Variants in TRIOBP observed in about 807,000 individuals in gnomAD.
TRIOBP encodes TRIO and F-actin-binding protein.
Under a neutral mutation model 238.8 loss-of-function variants are expected in TRIOBP, and 169 were observed. The ratio of observed to expected loss-of-function variants is 0.71; its 90% CI spans 0.62 to 0.80. The LOEUF is 0.80. Ranked by LOEUF, TRIOBP falls within the 30% of genes least tolerant of loss-of-function variation. TRIOBP has a pLI of 0.00. For synonymous variants in TRIOBP, 1,150 were observed against 1,274.4 expected (o/e 0.90, Z 2.08); for missense variants, 2,838 against 3,122.6 (o/e 0.91, Z 2.17).
intron 11 of TRIOBP, among the ~76,000 whole-genome samples, chr22:37,742,719 G>A (rs1924997661): frequency 1.3e-5 from 2 of 152,212 alleles, no homozygotes; most frequent in Non-Finnish European, 2.9e-5. Context: ...GAGGGGGCAG[G>A]TAAGTCCTTG....
intron 17 of TRIOBP, among the ~76,000 whole-genome samples, chr22:37,760,959 A>C (rs1200574703): frequency 1.3e-5 from 2 of 150,438 alleles, no homozygotes; most frequent in Admixed American, 1.3e-4. Context: ...CGACAGAGTA[A>C]GACTCCATCT....
chr22:37,701,891 G>T (rs944639062), intron 3 of TRIOBP, among the ~76,000 whole-genome samples: 5 of 152,192 alleles, frequency 3.3e-5, no homozygotes, highest in African/African-American at 1.2e-4. Flanking sequence ...ACTTTGGGAG[G>T]CCGAGGTGGG....
intron 12 of TRIOBP, among the ~76,000 whole-genome samples, chr22:37,753,791 G>A (rs1380084947): frequency 6.6e-6 from 1 of 152,180 alleles, no homozygotes; most frequent in East Asian, 1.9e-4. Context: ...CTAAGTACTT[G>A]AAACAACCAA....
At position 37,771,666 on chromosome 22, in the gene TRIOBP, A is replaced by G; in HGVS notation, c.6866A>G (p.Lys2289Arg). 1 of 1,614,030 alleles carries G rather than the reference A, an allele frequency of 6.2e-7. No homozygotes were observed. The highest frequency in any genetic ancestry group is 1.1e-5 in the South Asian group (1 of 91,084). Reference protein sequence around the residue: ...SCELEVLLRVKENELQYLKKE... With the variant: ...SCELEVLLRVRENELQYLKKE... ...TATCCCCAGGTGCTGCTTCGCGTAA[A>G]AGAAAACGAACTCCAGTACCTAAAG... Residue 2289 changes from lysine (K) to arginine (R), a missense_variant, in exon 22 of 24, where the codon AAA becomes AGA. Around this residue, in one of 5 missense-constraint regions of TRIOBP, gnomAD observed 2,096 missense variants for 2,137.4 expected, o/e 0.98. Coordinates refer to ENST00000644935, the MANE Select transcript of TRIOBP (RefSeq NM_001039141.3).
intron 6 of TRIOBP, 36 bp from the exon 7 acceptor site, chr22:37,723,149 C>T (rs1923919340): frequency 2.5e-6 from 4 of 1,610,664 alleles, no homozygotes; most frequent in Middle Eastern, 1.7e-4. Context: ...GCCTGGACCT[C>T]TCCCCTTACC....
intron 23 of TRIOBP, 138 bp downstream of exon 23, chr22:37,772,902 C>T: frequency 9.2e-7 from 1 of 1,084,850 alleles, no homozygotes; most frequent in Admixed American, 2.3e-5. Context: ...GACAATGAAA[C>T]CAGCAACACG....
At chr22:37,746,238 A>G (rs1056724643) in intron 11 of TRIOBP, 5 of 937,048 alleles carry the variant, frequency 5.3e-6, no homozygotes, top group Admixed American at 1.5e-4. Flanking sequence ...AAAAAGTTTT[A>G]TGGGCGGATG....
At chr22:37,742,275 T>A (rs1382501122) in intron 11 of TRIOBP, among the ~76,000 whole-genome samples, 1 of 144,372 alleles carries the variant, frequency 6.9e-6, no homozygotes, top group African/African-American at 2.6e-5. Context: ...TTTTTTTTTT[T>A]TAAATTAAGA....
At chr22:37,752,117 G>T (rs1925644203) in intron 12 of TRIOBP, among the ~76,000 whole-genome samples, 2 of 152,128 alleles carry the variant, frequency 1.3e-5, no homozygotes, top group South Asian at 4.1e-4. Flanking sequence ...GGAGTCAAGG[G>T]TCTTGGGTGG....
chr22:37,725,595 A>C lies in TRIOBP; in HGVS notation c.3039A>C (p.Pro1013=). 6.2e-7 allele frequency: 1 copy of C among 1,613,586 alleles called. No homozygotes were observed. Among genetic ancestry groups the C allele is most frequent in the Non-Finnish European group, 8.5e-7 (1 of 1,179,906 alleles). ...PLTSPEPSQP[P]CAVCIGHRDA... ...CCTCTCCTGAGCCCTCCCAGCCTCCATGTGCTGTGTGCATTGGGCACCGGG... is the reference window on the plus strand; with the variant it reads ...CCTCTCCTGAGCCCTCCCAGCCTCCCTGTGCTGTGTGCATTGGGCACCGGG... The change falls in exon 7 of 24, where the codon CCA becomes CCC. Residue 1013 remains proline, a synonymous_variant. Transcript: ENST00000644935.
At chr22:37,699,847 C>A (rs141220332) in intron 2 of TRIOBP, among the ~76,000 whole-genome samples, 1 of 148,204 alleles carries the variant, frequency 6.7e-6, no homozygotes, top group African/African-American at 2.5e-5. Flanking sequence ...GGCCAGGAAT[C>A]GCTTCTTTAT....
intron 6 of TRIOBP, among the ~76,000 whole-genome samples, chr22:37,722,876 C>T (rs1366772796): frequency 2.0e-5 from 3 of 152,256 alleles, no homozygotes; most frequent in Admixed American, 2.0e-4. Flanking sequence ...CTTCTCTCCA[C>T]AAATTTGCTT....
In TRIOBP at chr22:37,755,560, C is replaced by T. The variant is rs140528529; in HGVS notation, c.5588C>T (p.Ala1863Val). The T allele has an allele frequency of 2.2e-3, 3,584 of 1,613,978 alleles. 15 individuals are homozygous for T. The highest frequency in any genetic ancestry group is 2.4e-3 in the Non-Finnish European group (2,832 of 1,180,004). The change falls in exon 15 of 24, where the codon GCT becomes GTT. Residue 1863 changes from alanine to valine, a missense_variant. Physicochemically the swap from Ala to Val is moderately conservative, Grantham distance 64 (BLOSUM62 0). Around this residue, in one of 5 missense-constraint regions of TRIOBP, gnomAD observed 2,096 missense variants for 2,137.4 expected, o/e 0.98. Transcript: ENST00000644935. ...NYGFQIHTKD[A>V]VYTLSAMTSG... ...GCGGTGGCCTTGCAGACCAAGGATG[C>T]TGTCTATACCTTGTCGGCCATGACC...
At position 37,750,555 on chromosome 22, in the gene TRIOBP, G is replaced by A. The variant is rs140898397; in HGVS notation, c.5323-1217G>A. On this transcript the variant is annotated intron_variant, in intron 11 of 23. Transcript: ENST00000644935. ...GCAGCCTCCGTCTCAGGTGGAAGACGGGGTGGGCAGAATACAGAGCAGCGG... is the reference window on the plus strand; with the variant it reads ...GCAGCCTCCGTCTCAGGTGGAAGACAGGGTGGGCAGAATACAGAGCAGCGG... The A allele has an allele frequency of 2.0e-5, 9 of 444,058 alleles. No homozygotes were observed. The East Asian group carries it at 3.6e-4, about 18-fold the overall frequency. The allele number at this position is 444,058 out of a possible 1,614,324, so 27.5% of individuals were successfully genotyped here. A position where few individuals can be genotyped will look rare whatever the true frequency, so the allele number is the denominator to read the frequency against.
chr22:37,748,296 C>G (rs1032097679), intron 11 of TRIOBP, among the ~76,000 whole-genome samples: 1 of 152,202 alleles, frequency 6.6e-6, no homozygotes, highest in Non-Finnish European at 1.5e-5. Context: ...ACACCCTCCT[C>G]CCCTGGCCCC....
intron 6 of TRIOBP, among the ~76,000 whole-genome samples, chr22:37,717,835 C>T (rs572384928): frequency 7.8e-4 from 119 of 152,334 alleles, no homozygotes; most frequent in Non-Finnish European, 1.3e-3. Flanking sequence ...CCATGCCATG[C>T]GCCCACACTC....
chr22:37,699,366 C>T (rs535804101), intron 2 of TRIOBP, among the ~76,000 whole-genome samples: 27 of 152,074 alleles, frequency 1.8e-4, no homozygotes, highest in Non-Finnish European at 3.1e-4. Context: ...CTTCCACCTC[C>T]GAGAGAGCAG....
chr22:37,764,127 ATCTCCCGATTTTAAGG>A (rs1926374675), intron 17 of TRIOBP, among the ~76,000 whole-genome samples: 2 of 152,108 alleles, frequency 1.3e-5, no homozygotes, highest in South Asian at 4.1e-4. Context: ...ATCTGGGATA[ATCTCCCGATTTTAAGG>A]TCAGCTGATT....
At chr22:37,758,649 A>G (rs1926075344) in intron 16 of TRIOBP, among the ~76,000 whole-genome samples, 1 of 151,998 alleles carries the variant, frequency 6.6e-6, no homozygotes, top group Non-Finnish European at 1.5e-5. Context: ...GCACTCCAGC[A>G]GTCTGGCAAT....
Sources: gnomAD v4.1 joint callset for allele counts (sites outside exome capture counted in the v4.1 genomes callset) on GRCh38, gnomAD v4.1.1 for gene constraint, gnomAD v4.1.1 regional missense constraint, MANE v1.5 for transcripts, NCBI Gene and HGNC (gene_info 2026-07-23, HGNC 2026-07-21) for gene names.